The following CNKSR2 variants were observed in gnomAD, a reference collection of about 807,000 sequenced individuals.
CNKSR2 encodes the protein CNK homolog protein 2.
Under a neutral mutation model 84.4 loss-of-function variants are expected in CNKSR2, and 14 were observed. The observed-to-expected ratio is 0.17, with a 90% confidence interval of 0.11 to 0.26. The LOEUF (loss-of-function observed/expected upper bound fraction) is 0.26. Ranked by LOEUF, CNKSR2 falls within the 10% of genes least tolerant of loss-of-function variation. CNKSR2 has a pLI of 1.00. For missense variants in CNKSR2, 485 were observed against 771.2 expected (o/e 0.63, Z 4.40); for synonymous variants, 275 against 277.9 (o/e 0.99, Z 0.10).
intron 4 of CNKSR2, among the ~76,000 whole-genome samples, chrX:21,451,691 A>C (rs1271614819): frequency 4.7e-5 from 3 of 63,296 alleles, no homozygotes; most frequent in Admixed American, 2.6e-4. Flanking sequence ...CACTCTGGGG[A>C]CTGTTGTGGG....
chrX:21,514,585 A>G (rs1052085580), intron 8 of CNKSR2, among the ~76,000 whole-genome samples: 2 of 111,685 alleles, frequency 1.8e-5, no homozygotes, highest in African/African-American at 6.5e-5. Context: ...GGAAAATACC[A>G]TCTAGCCTTA....
intron 13 of CNKSR2, among the ~76,000 whole-genome samples, chrX:21,589,601 G>GTCTACTAAGT (rs962516785): frequency 2.7e-5 from 3 of 111,828 alleles, no homozygotes; most frequent in Non-Finnish European, 3.8e-5. Flanking sequence ...TAGACTAACT[G>GTCTACTAAGT]GAGCCAGTGA....
intron 4 of CNKSR2, among the ~76,000 whole-genome samples, chrX:21,452,744 C>A (rs1287471319): frequency 9.8e-6 from 1 of 102,446 alleles, no homozygotes; most frequent in Non-Finnish European, 2.0e-5. Context: ...AGCCATTTTA[C>A]AAGCATGACT....
At chrX:21,551,373 A>G (rs1269474107) in intron 11 of CNKSR2, among the ~76,000 whole-genome samples, 1 of 112,766 alleles carries the variant, frequency 8.9e-6, no homozygotes, top group Admixed American at 9.3e-5. Context: ...ATTTAAGAGA[A>G]AGAAAGAAAA....
chrX:21,512,956 TG>T (rs2091689952), intron 8 of CNKSR2, among the ~76,000 whole-genome samples: 1 of 112,173 alleles, frequency 8.9e-6, no homozygotes, highest in African/African-American at 3.2e-5. Flanking sequence ...AATCTCTTTT[TG>T]CTTCAGTTTC....
intron 13 of CNKSR2, among the ~76,000 whole-genome samples, chrX:21,583,627 A>G (rs1016329242): frequency 8.9e-6 from 1 of 112,176 alleles, no homozygotes; most frequent in Non-Finnish European, 1.9e-5. Flanking sequence ...GGAAATTGCT[A>G]TTACTGCAAC....
chrX:21,491,719 A>C (rs1260959261), intron 6 of CNKSR2: 1 of 112,146 alleles, frequency 8.9e-6, no homozygotes, highest in Non-Finnish European at 1.9e-5. Context: ...TGCTATATCT[A>C]ATGTTGATTA....
intron 1 of CNKSR2, among the ~76,000 whole-genome samples, chrX:21,411,739 T>G (rs1488089895): frequency 9.0e-6 from 1 of 111,256 alleles, no homozygotes; most frequent in Admixed American, 9.6e-5. Context: ...AATCACCATA[T>G]TATGGGCTCC....
chrX:21,465,808 G>A (rs957498982), intron 4 of CNKSR2, among the ~76,000 whole-genome samples: 2 of 111,366 alleles, frequency 1.8e-5, no homozygotes, highest in Admixed American at 1.9e-4. Flanking sequence ...CCCACCAGGC[G>A]CTTAAAACTT....
intron 21 of CNKSR2, 89 bp downstream of exon 21, chrX:21,649,116 T>C (rs1431608462): frequency 1.5e-6 from 1 of 648,771 alleles, no homozygotes; most frequent in East Asian, 3.4e-5. Context: ...AAATACAAAT[T>C]GGGGGCTGGG....
chrX:21,387,972 T>C (rs2089994432), intron 1 of CNKSR2, among the ~76,000 whole-genome samples: 1 of 110,064 alleles, frequency 9.1e-6, no homozygotes, highest in Non-Finnish European at 1.9e-5. Context: ...TGATCTCGGC[T>C]CACTGCAAGC....
chrX:21,596,360 T>C (rs978365074), intron 17 of CNKSR2, among the ~76,000 whole-genome samples: 2 of 111,847 alleles, frequency 1.8e-5, no homozygotes, highest in African/African-American at 6.5e-5. Context: ...AGCCCTTTAA[T>C]AAAGTGAAAA....
At chrX:21,452,340 C>T (rs2090943934) in intron 4 of CNKSR2, among the ~76,000 whole-genome samples, 2 of 111,481 alleles carry the variant, frequency 1.8e-5, no homozygotes, top group African/African-American at 3.3e-5. Context: ...GATCTGCCTG[C>T]GTAGGCCTCC....
intron 10 of CNKSR2, among the ~76,000 whole-genome samples, chrX:21,527,759 C>CA (rs745713881): frequency 1.3e-4 from 14 of 110,851 alleles, no homozygotes; most frequent in African/African-American, 4.2e-4. Flanking sequence ...ATACCAATCA[C>CA]AAAAAAACTT....
chrX:21,452,145 C>T (rs1601808062), intron 4 of CNKSR2, among the ~76,000 whole-genome samples: 2 of 111,936 alleles, frequency 1.8e-5, no homozygotes, highest in Admixed American at 1.9e-4. Flanking sequence ...GGCTGGAGTG[C>T]AGTGGCGCAA....
At chrX:21,636,924 A>G (rs1262356855) in intron 20 of CNKSR2, among the ~76,000 whole-genome samples, 1 of 111,465 alleles carries the variant, frequency 9.0e-6, no homozygotes, top group Non-Finnish European at 1.9e-5. Context: ...TGACAGTATC[A>G]TGTGTCAAAA....
chrX:21,479,909 A>T (rs1234849620), intron 5 of CNKSR2, among the ~76,000 whole-genome samples: 1 of 110,887 alleles, frequency 9.0e-6, no homozygotes, highest in Non-Finnish European at 1.9e-5. Flanking sequence ...TGAGGCTGCA[A>T]TGTCACTGTG....
intron 13 of CNKSR2, among the ~76,000 whole-genome samples, chrX:21,577,020 T>C (rs1268518245): frequency 1.8e-5 from 2 of 111,916 alleles, no homozygotes; most frequent in African/African-American, 6.5e-5. Flanking sequence ...GTACAAGACT[T>C]GTAACTTAAT....
intron 5 of CNKSR2, among the ~76,000 whole-genome samples, chrX:21,482,444 A>G (rs1025294360): frequency 8.9e-6 from 1 of 111,996 alleles, no homozygotes; most frequent in African/African-American, 3.2e-5. Flanking sequence ...ATGATTTCAA[A>G]TCATCTGTCT....
Sources: allele counts gnomAD v4.1 joint callset (sites outside exome capture counted in the v4.1 genomes callset), GRCh38; gene constraint gnomAD v4.1.1; transcripts MANE v1.5; gene names NCBI Gene and HGNC (gene_info 2026-07-23, HGNC 2026-07-21).